CHIC2: variants seen among roughly 807,000 people sequenced by gnomAD.
The protein encoded by CHIC2 is cysteine rich hydrophobic domain 2.
In CHIC2, 14 loss-of-function variants were observed where a neutral mutation model predicts 25.9. The observed-to-expected ratio is 0.54, with a 90% CI of 0.36 to 0.85. CHIC2 has a LOEUF of 0.85. Among genes scored for constraint, CHIC2 ranks in the 40% least tolerant of loss-of-function variants. The pLI is 0.01. For missense variants in CHIC2, 146 were observed against 202.0 expected, an observed-to-expected ratio of 0.72 and a Z score of 1.68; for synonymous variants, 70 against 72.0, an observed-to-expected ratio of 0.97 and a Z score of 0.14.
chr4:54,027,832 G>A (rs961315700), intron 3 of CHIC2, among the ~76,000 whole-genome samples: 1 of 152,112 alleles, frequency 6.6e-6, no homozygotes, highest in Non-Finnish European at 1.5e-5. Flanking sequence ...AACTTTACCA[G>A]AAGTCATGTA....
At chr4:54,075,545 ATATT>A in the CHIC2 span, among the ~76,000 whole-genome samples, 2 of 152,278 alleles carry the variant, frequency 1.3e-5, no homozygotes, top group Non-Finnish European at 2.9e-5. Flanking sequence ...AGTAGAAAAA[ATATT>A]TATTTATTTT....
At chr4:54,068,673 A>G (rs1007753604), upstream of CHIC2, among the ~76,000 whole-genome samples, 1 of 152,180 alleles carries the variant, frequency 6.6e-6, no homozygotes, top group Admixed American at 6.5e-5. Flanking sequence ...ACTCTCTGTG[A>G]CCAGATGTGT....
chr4:54,064,776 T>C (rs115452991), upstream of CHIC2: 9,012 of 450,206 alleles, frequency 0.02, 100 homozygotes, highest in Middle Eastern at 0.041. The surrounding 1 kb of genome is among the most constrained non-coding windows in gnomAD (Gnocchi z 4.2). Flanking sequence ...CCACCGTCTT[T>C]CCTCTGCTTC....
At chr4:54,059,975 T>C (rs932675245) in intron 1 of CHIC2, 1 of 152,236 alleles carries the variant, frequency 6.6e-6, no homozygotes, top group East Asian at 1.9e-4. Flanking sequence ...TTAAATATTA[T>C]GCTGGGTGGG....
At chr4:54,050,217 T>C (rs1217909162) in intron 1 of CHIC2, among the ~76,000 whole-genome samples, 8 of 152,250 alleles carry the variant, frequency 5.3e-5, no homozygotes, top group Admixed American at 2.0e-4. Flanking sequence ...TTTACTTTTA[T>C]ATAATTTGAG....
At chr4:54,087,743 A>C in the CHIC2 span, 1 of 500,712 alleles carries the variant, frequency 2.0e-6, no homozygotes, top group Non-Finnish European at 3.6e-6. Context: ...ACTGGCGGTG[A>C]TTACAAAGTA....
chr4:54,052,725 T>C (rs1560396378), intron 1 of CHIC2, among the ~76,000 whole-genome samples: 1 of 152,200 alleles, frequency 6.6e-6, no homozygotes, highest in Non-Finnish European at 1.5e-5. Flanking sequence ...TATTTTATGT[T>C]GGCAAGAAGG....
intron 1 of CHIC2, among the ~76,000 whole-genome samples, chr4:54,055,888 C>A (rs1312755337): frequency 6.6e-6 from 1 of 152,114 alleles, no homozygotes; most frequent in Non-Finnish European, 1.5e-5. Context: ...TCTATTTATA[C>A]AAAAGATACA....
At chr4:54,012,702 TTA>T (rs755205863) in intron 5 of CHIC2, among the ~76,000 whole-genome samples, 2 of 152,168 alleles carry the variant, frequency 1.3e-5, no homozygotes, top group Non-Finnish European at 2.9e-5. Context: ...CTCAAATGTG[TTA>T]TGATTATAAA....
the CHIC2 span, among the ~76,000 whole-genome samples, chr4:54,071,869 A>G: frequency 6.6e-6 from 1 of 152,186 alleles, no homozygotes; most frequent in Admixed American, 6.5e-5. Context: ...AGATCATTTC[A>G]TACCATGTGT....
At chr4:54,047,876 T>G (rs907504564) in intron 3 of CHIC2, among the ~76,000 whole-genome samples, 3 of 151,502 alleles carry the variant, frequency 2.0e-5, no homozygotes, top group African/African-American at 7.2e-5. Flanking sequence ...TTAAAAAAAT[T>G]TTTTTAAAGT....
the CHIC2 span, among the ~76,000 whole-genome samples, chr4:54,079,714 G>A: frequency 1.3e-5 from 2 of 151,796 alleles, no homozygotes; most frequent in South Asian, 4.2e-4. Flanking sequence ...ACCACAATGG[G>A]ATATCACTTC....
the CHIC2 span, among the ~76,000 whole-genome samples, chr4:54,085,623 T>TG: frequency 6.6e-6 from 1 of 152,200 alleles, no homozygotes; most frequent in Admixed American, 6.5e-5. Flanking sequence ...TTTTCAACCC[T>TG]GTGTAAATTA....
intron 3 of CHIC2, among the ~76,000 whole-genome samples, chr4:54,020,196 G>A (rs1410445827): frequency 6.6e-6 from 1 of 152,158 alleles, no homozygotes; most frequent in Non-Finnish European, 1.5e-5. Context: ...CTTAACTGAT[G>A]ATACTCCACC....
chr4:54,084,980 A>T, the CHIC2 span, among the ~76,000 whole-genome samples: 1 of 150,958 alleles, frequency 6.6e-6, no homozygotes, highest in Admixed American at 6.6e-5. Flanking sequence ...AAAAAAAAAA[A>T]ATCAAACAGG....
chr4:54,029,626 A>G (rs1040145162), intron 3 of CHIC2, among the ~76,000 whole-genome samples: 8 of 152,162 alleles, frequency 5.3e-5, no homozygotes, highest in Admixed American at 4.6e-4. Flanking sequence ...CCTTGTTGCA[A>G]TATCTGTATT....
chr4:54,027,695 G>A (rs1177465863), intron 3 of CHIC2, among the ~76,000 whole-genome samples: 1 of 152,142 alleles, frequency 6.6e-6, no homozygotes, highest in Non-Finnish European at 1.5e-5. Flanking sequence ...AGAAAACCCA[G>A]TTCTTTCATT....
rs953606461 is a variant in CHIC2, at chr4:54,049,060, A to G, written c.225T>C (p.Leu75=). 1 of 1,612,596 alleles carries G rather than the reference A, an allele frequency of 6.2e-7. No individual in the cohort carries two copies. Among genetic ancestry groups the G allele is most frequent in the African/African-American group, 1.3e-5 (1 of 74,916 alleles). ...KASINRVNSC[L]KKNLPVNVRW... is the part of the protein sequence containing the mutation. ...GTACATTAACAGGAAGGTTCTTCTT[A>G]AGACAACTGTTAACTCTGTTGATGC... Residue 75 remains leucine, a synonymous_variant, in exon 3 of 6, where the codon CTT becomes CTC. Transcript: ENST00000263921.
chr4:54,058,549 T>TACACACATAC (rs1176285644), intron 1 of CHIC2, among the ~76,000 whole-genome samples: 1,284 of 126,820 alleles, frequency 0.01, 3 homozygotes, highest in Middle Eastern at 0.016. Flanking sequence ...CATACACACA[T>TACACACATAC]ACACACACAT....
Sources: gnomAD v4.1 joint callset for allele counts (sites outside exome capture counted in the v4.1 genomes callset) on GRCh38, gnomAD v4.1.1 for gene constraint, Gnocchi (gnomAD v3.1) non-coding constraint, MANE v1.5 for transcripts, NCBI Gene and HGNC (gene_info 2026-07-23, HGNC 2026-07-21) for gene names.